Variants in RANBP2 observed in about 807,000 individuals in gnomAD.
RANBP2 encodes the protein RAN binding protein 2.
A neutral mutation model predicts 303.6 loss-of-function variants in RANBP2; 57 were observed. The observed-to-expected ratio is 0.19, with a 90% CI of 0.15 to 0.23. RANBP2 has a LOEUF of 0.23. Among genes scored for constraint, RANBP2 ranks in the 10% least tolerant of loss-of-function variants. RANBP2 has a pLI of 1.00. For synonymous variants in RANBP2, 1,167 were observed against 1,301.5 expected (o/e 0.90, Z 2.23); for missense variants, 3,138 against 3,780.8 (o/e 0.83, Z 4.46).
chr2:109,705,807 C>T, the RANBP2 span, among the ~76,000 whole-genome samples: 147 of 152,306 alleles, frequency 9.7e-4, no homozygotes, highest in African/African-American at 3.3e-3. Context: ...ATGGAGCCAC[C>T]GCCTCCACAG....
the RANBP2 span, among the ~76,000 whole-genome samples, chr2:109,703,601 G>A: frequency 6.6e-6 from 1 of 151,888 alleles, no homozygotes; most frequent in Admixed American, 6.6e-5. Flanking sequence ...ACTAATTTTT[G>A]TATTTTTAGT....
rs2149230328 is a variant in RANBP2, at chr2:108,753,099, G to C, written c.1857G>C (p.Lys619Asn). The change falls in exon 13 of 29, where the codon AAG becomes AAC. Residue 619 changes from lysine (K) to asparagine (N), a missense_variant. Transcript: ENST00000283195. ...CATTGTTGAAGATAATAAAAAAGAAGAACAGTATTCCTGAACCTATTGATC... is the reference window on the plus strand; with the variant it reads ...CATTGTTGAAGATAATAAAAAAGAACAACAGTATTCCTGAACCTATTGATC... ...VLPLLKIIKK[K>N]NSIPEPIDPL... 1.9e-6 allele frequency: 3 copies of C among 1,610,352 alleles called. No individual in the cohort carries two copies. Among genetic ancestry groups the C allele is most frequent in the Non-Finnish European group, 2.5e-6 (3 of 1,179,140 alleles).
chr2:109,443,833 A>G, the RANBP2 span, among the ~76,000 whole-genome samples: 1 of 152,240 alleles, frequency 6.6e-6, no homozygotes, highest in East Asian at 1.9e-4. Flanking sequence ...TTGATAGAAC[A>G]GTTAGATATA....
chr2:109,684,259 T>TTTTTTTTTTTTTG, the RANBP2 span, among the ~76,000 whole-genome samples: 3 of 147,342 alleles, frequency 2.0e-5, no homozygotes, highest in Non-Finnish European at 3.0e-5. Context: ...TTTTTTTTTT[T>TTTTTTTTTTTTTG]GAGGCAGCGT....
chr2:109,613,113 A>T, the RANBP2 span: 2 of 1,177,080 alleles, frequency 1.7e-6, no homozygotes, highest in South Asian at 1.3e-5. Flanking sequence ...ACTCCATACC[A>T]TGTAGCCTTT....
chr2:109,709,307 A>T, the RANBP2 span, among the ~76,000 whole-genome samples: 12 of 127,664 alleles, frequency 9.4e-5, no homozygotes, highest in African/African-American at 2.3e-4. Context: ...ACTGTGTCTC[A>T]AAAATAAAAT....
the RANBP2 span, among the ~76,000 whole-genome samples, chr2:108,887,827 AT>A: frequency 3.3e-5 from 5 of 152,160 alleles, no homozygotes; most frequent in Admixed American, 1.3e-4. Flanking sequence ...GGCCAATTTA[AT>A]TTCCTCTTTT....
chr2:109,101,443 C>T, the RANBP2 span, among the ~76,000 whole-genome samples: 6 of 151,956 alleles, frequency 3.9e-5, no homozygotes, highest in East Asian at 1.9e-4. Flanking sequence ...AGGAGAATGG[C>T]GGGAACTCGG....
the RANBP2 span, among the ~76,000 whole-genome samples, chr2:108,848,163 TTAAC>T: frequency 1.2e-4 from 19 of 152,340 alleles, no homozygotes; most frequent in East Asian, 1.9e-3. Context: ...CATTTATCAT[TTAAC>T]TAAGATGTTT....
chr2:109,568,034 G>C, the RANBP2 span: 1 of 1,350,002 alleles, frequency 7.4e-7, no homozygotes, highest in African/African-American at 1.5e-5. Context: ...TAATCCTGCA[G>C]CTGTTTTTTC....
the RANBP2 span, among the ~76,000 whole-genome samples, chr2:109,415,687 C>T: frequency 6.6e-6 from 1 of 152,168 alleles, no homozygotes; most frequent in South Asian, 2.1e-4. Context: ...AGGCCCCACG[C>T]AGCCTGTCCT....
the RANBP2 span, among the ~76,000 whole-genome samples, chr2:109,266,729 G>A: frequency 6.6e-6 from 1 of 152,140 alleles, no homozygotes; most frequent in African/African-American, 2.4e-5. Flanking sequence ...GCAGTGACAC[G>A]GCCCACGCTT....
the RANBP2 span, among the ~76,000 whole-genome samples, chr2:109,201,832 G>A: frequency 4.6e-5 from 7 of 152,140 alleles, no homozygotes; most frequent in Non-Finnish European, 8.8e-5. Flanking sequence ...ATTTAAATGG[G>A]GCATAGTGCC....
chr2:109,153,886 G>C, the RANBP2 span, among the ~76,000 whole-genome samples: 3 of 152,208 alleles, frequency 2.0e-5, no homozygotes, highest in Non-Finnish European at 4.4e-5. Context: ...TAGCAGTCGG[G>C]ACTTGCTACA....
the RANBP2 span, among the ~76,000 whole-genome samples, chr2:109,202,273 TC>T: frequency 6.6e-6 from 1 of 152,074 alleles, no homozygotes; most frequent in Admixed American, 6.5e-5. Context: ...GCCTCCCAGG[TC>T]CATCTCGGCA....
chr2:109,476,427 G>A, the RANBP2 span, among the ~76,000 whole-genome samples: 1 of 152,224 alleles, frequency 6.6e-6, no homozygotes, highest in Non-Finnish European at 1.5e-5. Context: ...GGTAGCCCCA[G>A]GGGAGGTAGT....
chr2:109,499,854 G>C, the RANBP2 span, among the ~76,000 whole-genome samples: 1 of 152,158 alleles, frequency 6.6e-6, no homozygotes, highest in African/African-American at 2.4e-5. Context: ...CAACATAACT[G>C]ACATTTGCAA....
At chr2:109,558,650 T>G in the RANBP2 span, among the ~76,000 whole-genome samples, 105 of 152,296 alleles carry the variant, frequency 6.9e-4, no homozygotes, top group African/African-American at 2.3e-3. Flanking sequence ...GCTGGTAGAT[T>G]AGGATACCCA....
the RANBP2 span, among the ~76,000 whole-genome samples, chr2:109,297,996 G>A: frequency 7.3e-3 from 1,106 of 152,260 alleles, 16 homozygotes; most frequent in African/African-American, 0.025. Flanking sequence ...TTGGGTTTGC[G>A]CCTCAGCTGG....
Sources: gnomAD v4.1 joint callset for allele counts (sites outside exome capture counted in the v4.1 genomes callset) on GRCh38, gnomAD v4.1.1 for gene constraint, MANE v1.5 for transcripts, NCBI Gene and HGNC (gene_info 2026-07-23, HGNC 2026-07-21) for gene names.